Variants in DHX40 observed in about 807,000 individuals in gnomAD.
DHX40 encodes probable ATP-dependent RNA helicase DHX40.
A neutral mutation model predicts 89.6 loss-of-function variants in DHX40; 28 were observed. The observed-to-expected ratio is 0.31, with a 90% CI of 0.23 to 0.43. The LOEUF (loss-of-function observed/expected upper bound fraction) is 0.43, where lower values mean the gene tolerates loss of function less well. Ranked by LOEUF, DHX40 falls within the 20% of genes least tolerant of loss-of-function variation. The pLI is 1.00. For missense variants in DHX40, 457 were observed against 844.0 expected (o/e 0.54, Z 5.68); for synonymous variants, 226 against 283.6 (o/e 0.80, Z 2.04).
intron 2 of DHX40, among the ~76,000 whole-genome samples, chr17:59,570,180 ATATATAATATATAATATAT>A (rs1232007340): frequency 8.1e-6 from 1 of 122,994 alleles, no homozygotes; most frequent in African/African-American, 3.4e-5. Context: ...ATATATTAAT[ATATATAATATATAATATAT>A]TATAATATAT....
intron 12 of DHX40, among the ~76,000 whole-genome samples, chr17:59,590,496 C>G (rs1217165576): frequency 6.6e-6 from 1 of 151,210 alleles, no homozygotes; most frequent in Middle Eastern, 3.4e-3. Flanking sequence ...GAGACAAGGT[C>G]TCACTGTGTT....
intron 6 of DHX40, among the ~76,000 whole-genome samples, chr17:59,574,905 A>C (rs1156228471): frequency 6.6e-6 from 1 of 152,218 alleles, no homozygotes; most frequent in East Asian, 1.9e-4. Flanking sequence ...CACCCTCCTA[A>C]TAGGAATTAG....
intron 2 of DHX40, among the ~76,000 whole-genome samples, chr17:59,569,061 G>T (rs1302479754): frequency 6.6e-6 from 1 of 152,044 alleles, no homozygotes; most frequent in Non-Finnish European, 1.5e-5. Context: ...GGGTGCAGTG[G>T]CTCATGCCTG....
Position 59,573,612 on chromosome 17 carries a change from T to G in DHX40, c.547-128T>G, listed in dbSNP as rs2531905. ...TGCTGGGATTACAGGTGTGAGCCAC[T>G]GCACCTGGCTCCTACTTATATTTTA... On this transcript the variant is annotated intron_variant, in intron 4 of 17. Coordinates refer to ENST00000251241, the MANE Select transcript of DHX40 (RefSeq NM_024612.5). 8 of 1,096,440 alleles carry G rather than the reference T, an allele frequency of 7.3e-6. No individual in the cohort carries two copies. In the East Asian group the frequency reaches 7.8e-5, roughly 11 times the overall value. 67.9% of individuals were successfully genotyped at this position (1,096,440 alleles called of 1,614,324 possible).
chr17:59,570,219 TAAA>T (rs1457656835), intron 2 of DHX40, among the ~76,000 whole-genome samples: 1 of 114,728 alleles, frequency 8.7e-6, no homozygotes, highest in Non-Finnish European at 1.6e-5. Context: ...TATTATATAT[TAAA>T]TATATATTAG....
chr17:59,573,612 T>C (rs2531905), intron 4 of DHX40, 128 bp from the exon 5 acceptor site: 205 of 1,096,548 alleles, frequency 1.9e-4, no homozygotes, highest in African/African-American at 1.8e-3. Context: ...TGTGAGCCAC[T>C]GCACCTGGCT....
intron 12 of DHX40, among the ~76,000 whole-genome samples, chr17:59,594,169 G>C (rs1252889328): frequency 1.3e-5 from 2 of 150,832 alleles, no homozygotes; most frequent in African/African-American, 4.9e-5. Context: ...CTCTTAGCAG[G>C]TCTCTGTTTC....
intron 14 of DHX40, among the ~76,000 whole-genome samples, chr17:59,600,258 G>A (rs148755467): frequency 1.9e-4 from 29 of 151,982 alleles, no homozygotes; most frequent in African/African-American, 7.0e-4. Flanking sequence ...TGGAAACTGT[G>A]AGTTTAAGCA....
chr17:59,605,041 T>C, intron 15 of DHX40, 74 bp from the exon 16 acceptor site: 1 of 1,250,028 alleles, frequency 8.0e-7, no homozygotes, highest in Non-Finnish European at 1.2e-6. Flanking sequence ...AATTGTTCAT[T>C]GCTGAATGTA....
intron 12 of DHX40, among the ~76,000 whole-genome samples, chr17:59,598,383 A>G (rs566996836): frequency 1.3e-5 from 2 of 152,174 alleles, no homozygotes; most frequent in South Asian, 4.2e-4. Context: ...TGACTGGGGA[A>G]CATTGAACTT....
intron 1 of DHX40, 90 bp downstream of exon 1, chr17:59,565,873 G>GC: frequency 8.8e-7 from 1 of 1,136,814 alleles, no homozygotes; most frequent in Non-Finnish European, 1.2e-6. Context: ...GGCAGGCTGA[G>GC]AAGAGTAGTG....
chr17:59,585,845 A>C (rs1355996845), intron 10 of DHX40, among the ~76,000 whole-genome samples: 2 of 148,564 alleles, frequency 1.3e-5, no homozygotes, highest in South Asian at 2.1e-4. Context: ...TATGGACTGC[A>C]GAAAAGAGTA....
intron 15 of DHX40, chr17:59,604,448 A>G (rs1195416929): frequency 6.6e-6 from 1 of 152,212 alleles, no homozygotes; most frequent in African/African-American, 2.4e-5. Context: ...ACCTGAGTCT[A>G]ATGGAGGGTA....
intron 2 of DHX40, among the ~76,000 whole-genome samples, chr17:59,569,028 A>G (rs7502712): frequency 2.7e-3 from 407 of 152,190 alleles, no homozygotes; most frequent in African/African-American, 9.5e-3. Flanking sequence ...GAAAGGTGGC[A>G]TATTTAAGTC....
At chr17:59,567,772 A>G (rs569074111) in intron 2 of DHX40, among the ~76,000 whole-genome samples, 37 of 145,972 alleles carry the variant, frequency 2.5e-4, no homozygotes, top group African/African-American at 9.5e-4. Context: ...TAAAAATAGA[A>G]AAAAAAAAAA....
intron 12 of DHX40, among the ~76,000 whole-genome samples, chr17:59,594,836 C>T (rs1307073220): frequency 6.6e-6 from 1 of 151,768 alleles, no homozygotes; most frequent in East Asian, 2.0e-4. Context: ...TCCACACACA[C>T]AGCTGTTGAG....
chr17:59,567,093 A>G (rs1166577632), intron 2 of DHX40, among the ~76,000 whole-genome samples: 1 of 152,224 alleles, frequency 6.6e-6, no homozygotes, highest in African/African-American at 2.4e-5. Context: ...ACCATTGGAT[A>G]CTGAAATAAT....
At chr17:59,604,099 T>C (rs1344112997) in intron 15 of DHX40, 2 of 152,208 alleles carry the variant, frequency 1.3e-5, no homozygotes, top group Non-Finnish European at 2.9e-5. Context: ...TAAGACAAAT[T>C]GGTGAAATGT....
chr17:59,565,773 C>T lies in DHX40; in HGVS notation c.102C>T (p.Ile34=), dbSNP rs1293584509. The T allele has an allele frequency of 1.2e-6, 2 of 1,601,234 alleles. No individual in the cohort carries two copies. The highest frequency in any genetic ancestry group is 4.5e-5 in the East Asian group (2 of 44,518). Residue 34 remains isoleucine, a synonymous_variant, in exon 1 of 18, where the codon ATC becomes ATT. Transcript: ENST00000251241. ...AAGAGCGGCTCTCGGCTGTTTGCAT[C>T]GCCGATAGAGGTGCGGTCCGCGGGA... ...LQEERLSAVC[I]ADREEKGCTS...
Sources: gnomAD v4.1 joint callset for allele counts (sites outside exome capture counted in the v4.1 genomes callset) on GRCh38, gnomAD v4.1.1 for gene constraint, MANE v1.5 for transcripts, NCBI Gene and HGNC (gene_info 2026-07-23, HGNC 2026-07-21) for gene names.